The following PLCB1 variants were observed in gnomAD, a reference collection of about 807,000 sequenced individuals.
PLCB1 encodes phospholipase C beta 1.
PLCB1 carries 46 observed loss-of-function variants against 161.8 expected under a neutral mutation model. The ratio of observed to expected loss-of-function variants is 0.28; its 90% CI spans 0.22 to 0.36. PLCB1 has a LOEUF of 0.36. Ranked by LOEUF, PLCB1 falls within the 10% of genes least tolerant of loss-of-function variation. PLCB1 has a pLI of 1.00. For synonymous variants in PLCB1, 517 were observed against 503.7 expected (o/e 1.03, Z -0.35); for missense variants, 1,016 against 1,472.5 (o/e 0.69, Z 5.07).
At chr20:8,709,796 G>T (rs1978893636) in intron 12 of PLCB1, among the ~76,000 whole-genome samples, 2 of 152,124 alleles carry the variant, frequency 1.3e-5, no homozygotes, top group Non-Finnish European at 2.9e-5. Flanking sequence ...GCTTCATTAT[G>T]CAACAATCAT....
At chr20:8,832,975 T>C (rs1251364921) in intron 31 of PLCB1, among the ~76,000 whole-genome samples, 3 of 152,154 alleles carry the variant, frequency 2.0e-5, no homozygotes, top group Non-Finnish European at 2.9e-5. Context: ...ATGAGTTGAG[T>C]GGTGGTCACC....
rs1034439676 is a variant in PLCB1, at chr20:8,648,605, CTT to C, written c.518+654_518+655del. On this transcript the variant is annotated intron_variant, in intron 6 of 31. Transcript: ENST00000338037. The stretch of plus-strand genomic sequence containing the variant: ...CTCTAGGTCATATCCAGCCAAAAGT[CTT>C]TAACTTTTGACTTACAAGCTACTAG... Among the ~76,000 whole-genome samples, 20 of 152,262 alleles carry C rather than the reference CTT, an allele frequency of 1.3e-4. 1 individual carries two copies. Among genetic ancestry groups the C allele is most frequent in the African/African-American group, 4.3e-4 (18 of 41,556 alleles).
chr20:8,382,288 T>C (rs1418637651), intron 3 of PLCB1, among the ~76,000 whole-genome samples: 13 of 148,782 alleles, frequency 8.7e-5, no homozygotes, highest in Admixed American at 2.7e-4. Context: ...TTTTTCTTTT[T>C]TTTTTTTTTT....
chr20:8,684,067 G>C (rs1474284776), intron 9 of PLCB1, among the ~76,000 whole-genome samples: 1 of 151,534 alleles, frequency 6.6e-6, no homozygotes, highest in African/African-American at 2.4e-5. Flanking sequence ...TGTATTTTTA[G>C]TAGAGACGAG....
intron 3 of PLCB1, among the ~76,000 whole-genome samples, chr20:8,387,977 T>TAAAAAA (rs1555802977): frequency 2.4e-5 from 3 of 126,782 alleles, no homozygotes; most frequent in African/African-American, 9.1e-5. Flanking sequence ...CCACTTTTTT[T>TAAAAAA]AAAAAAAAAA....
At chr20:8,375,980 A>C (rs1011803671) in intron 3 of PLCB1, among the ~76,000 whole-genome samples, 1 of 149,524 alleles carries the variant, frequency 6.7e-6, no homozygotes, top group Non-Finnish European at 1.5e-5. Flanking sequence ...CACTCTAGCC[A>C]AGGTAAGGTA....
chr20:8,724,677 AT>A lies in PLCB1; in HGVS notation c.1604del (p.Met535ArgfsTer10). 1 of 1,575,778 alleles carries A rather than the reference AT, an allele frequency of 6.3e-7. No individual in the cohort carries two copies. Among genetic ancestry groups the A allele is most frequent in the Non-Finnish European group, 8.7e-7 (1 of 1,145,630 alleles). ...MDEGTAGSEA[M>X]ATEEMSNLVN... ...CCAGGGGACTGCTGGAAGTGAGGCTATGGCCACAGAAGAAATGTCTAATCTG... is the reference window on the plus strand; with the variant it reads ...CCAGGGGACTGCTGGAAGTGAGGCTAGGCCACAGAAGAAATGTCTAATCTG... On this transcript the variant is annotated frameshift_variant, in exon 16 of 32. Transcript: ENST00000338037. LOFTEE classifies it high-confidence loss of function.
At chr20:8,706,583 C>A (rs1322703991) in intron 11 of PLCB1, among the ~76,000 whole-genome samples, 1 of 152,190 alleles carries the variant, frequency 6.6e-6, no homozygotes, top group African/African-American at 2.4e-5. Context: ...CAAAATCCAG[C>A]CCTTTTTTTC....
chr20:8,336,883 G>A (rs940293348), intron 2 of PLCB1, among the ~76,000 whole-genome samples: 6 of 151,656 alleles, frequency 4.0e-5, no homozygotes, highest in African/African-American at 1.5e-4. Context: ...CTACAACACT[G>A]TGATGATAAC....
intron 23 of PLCB1, among the ~76,000 whole-genome samples, chr20:8,742,542 C>T (rs945332419): frequency 2.0e-5 from 3 of 152,152 alleles, no homozygotes; most frequent in Non-Finnish European, 4.4e-5. Context: ...GTAATTCAAA[C>T]ATCCCATCCG....
chr20:8,691,966 A>T (rs967614179), intron 10 of PLCB1, among the ~76,000 whole-genome samples: 1 of 152,176 alleles, frequency 6.6e-6, no homozygotes, highest in Non-Finnish European at 1.5e-5. Flanking sequence ...AAGAAACACT[A>T]TGCAGTAAAT....
chr20:8,656,103 C>T (rs1179333716), intron 7 of PLCB1, among the ~76,000 whole-genome samples: 1 of 151,970 alleles, frequency 6.6e-6, no homozygotes, highest in Non-Finnish European at 1.5e-5. Context: ...GCCCAAGTAG[C>T]CCAAGTTATA....
chr20:8,376,874 G>A (rs1462405898), intron 3 of PLCB1, among the ~76,000 whole-genome samples: 1 of 151,778 alleles, frequency 6.6e-6, no homozygotes, highest in East Asian at 1.9e-4. Flanking sequence ...ATTGCAGTGA[G>A]CCAAGATCAC....
At chr20:8,212,080 A>G (rs1978856141) in intron 2 of PLCB1, among the ~76,000 whole-genome samples, 1 of 152,096 alleles carries the variant, frequency 6.6e-6, no homozygotes, top group African/African-American at 2.4e-5. Context: ...CTTCTCCAAT[A>G]TATTTATATT....
At chr20:8,435,100 A>C (rs914676478) in intron 3 of PLCB1, among the ~76,000 whole-genome samples, 2 of 152,212 alleles carry the variant, frequency 1.3e-5, no homozygotes, top group African/African-American at 4.8e-5. Flanking sequence ...AATCCATTGG[A>C]GAAGGAATTT....
chr20:8,449,898 T>G lies in PLCB1; in HGVS notation c.246+78448T>G, dbSNP rs77428869. Among the ~76,000 whole-genome samples, 1,366 of 152,334 alleles carry G rather than the reference T, an allele frequency of 9.0e-3. 19 individuals are homozygous for G. Among genetic ancestry groups the G allele is most frequent in the African/African-American group, 0.031 (1,307 of 41,574 alleles). On this transcript the variant is annotated intron_variant, in intron 3 of 31. Transcript: ENST00000338037. ...GTAGTTACAGGCATAATCTTACTAATGGACTATAATGTCCATCATACCATG... is the reference window on the plus strand; with the variant it reads ...GTAGTTACAGGCATAATCTTACTAAGGGACTATAATGTCCATCATACCATG...
intron 2 of PLCB1, among the ~76,000 whole-genome samples, chr20:8,259,639 C>T (rs1396147085): frequency 6.6e-6 from 1 of 152,094 alleles, no homozygotes; most frequent in East Asian, 1.9e-4. Context: ...TATAAAGTCT[C>T]CACTAAAAGC....
At chr20:8,847,095 G>T (rs746089167) in intron 31 of PLCB1, among the ~76,000 whole-genome samples, 5 of 152,154 alleles carry the variant, frequency 3.3e-5, no homozygotes, top group African/African-American at 4.8e-5. Context: ...CATTTTAAAA[G>T]CTACCCAAGT....
At chr20:8,478,315 A>C (rs2122736162) in intron 3 of PLCB1, among the ~76,000 whole-genome samples, 1 of 152,318 alleles carries the variant, frequency 6.6e-6, no homozygotes, top group South Asian at 2.1e-4. Flanking sequence ...TAAGTTATGA[A>C]ATATTGAAAA....
Sources: allele counts gnomAD v4.1 joint callset (sites outside exome capture counted in the v4.1 genomes callset), GRCh38; gene constraint gnomAD v4.1.1; transcripts MANE v1.5; gene names NCBI Gene and HGNC (gene_info 2026-07-23, HGNC 2026-07-21).